Variants in MED13L observed in about 807,000 individuals in gnomAD.
The protein encoded by MED13L is mediator of RNA polymerase II transcription subunit 13-like.
A neutral mutation model predicts 220.9 loss-of-function variants in MED13L; 7 were observed. The ratio of observed to expected loss-of-function variants is 0.03; its 90% confidence interval spans 0.02 to 0.06. MED13L has a LOEUF of 0.06. MED13L is among the 10% of genes least tolerant of loss of function. MED13L has a pLI of 1.00. For missense variants in MED13L, 1,965 were observed against 2,760.5 expected, an observed-to-expected ratio of 0.71 and a Z score of 6.46; for synonymous variants, 1,011 against 1,015.2, an observed-to-expected ratio of 1.00 and a Z score of 0.08.
intron 1 of MED13L, among the ~76,000 whole-genome samples, chr12:116,250,086 C>A (rs1871399648): frequency 8.2e-6 from 1 of 121,514 alleles, no homozygotes; most frequent in African/African-American, 3.1e-5. Flanking sequence ...TTGTAAAAAC[C>A]AGTGATAAAA....
intron 2 of MED13L, among the ~76,000 whole-genome samples, chr12:116,235,022 T>C (rs1869945817): frequency 6.6e-6 from 1 of 152,198 alleles, no homozygotes; most frequent in Non-Finnish European, 1.5e-5. Flanking sequence ...AAATAGATTC[T>C]AAAATATCTC....
intron 7 of MED13L, among the ~76,000 whole-genome samples, chr12:116,015,757 G>A (rs1879688632): frequency 6.6e-6 from 1 of 152,148 alleles, no homozygotes; most frequent in Admixed American, 6.5e-5. Flanking sequence ...ACAGTGCCCT[G>A]GGTAGGAAAA....
At chr12:116,097,363 C>G (rs1450353907) in intron 3 of MED13L, among the ~76,000 whole-genome samples, 1 of 152,192 alleles carries the variant, frequency 6.6e-6, no homozygotes, top group African/African-American at 2.4e-5. Context: ...CCAGGCTGAT[C>G]TCGAATTCCT....
chr12:116,178,039 T>A (rs1371352167), intron 2 of MED13L, among the ~76,000 whole-genome samples: 1 of 151,616 alleles, frequency 6.6e-6, no homozygotes, highest in Non-Finnish European at 1.5e-5. Flanking sequence ...TGCTTGTTTG[T>A]TTGTTTGTTT....
intron 4 of MED13L, among the ~76,000 whole-genome samples, chr12:116,028,661 T>A (rs11613278): frequency 0.072 from 10,932 of 152,262 alleles, 539 homozygotes; most frequent in Middle Eastern, 0.14. Flanking sequence ...CTAACTGCTA[T>A]AGGCCAGAAG....
At chr12:116,019,118 C>A in intron 7 of MED13L, 106 bp downstream of exon 7, 1 of 1,100,242 alleles carries the variant, frequency 9.1e-7, no homozygotes. Context: ...CTACTACCTC[C>A]ATCTCTTCCA....
chr12:116,218,419 T>C (rs992564390), intron 2 of MED13L, among the ~76,000 whole-genome samples: 4 of 152,192 alleles, frequency 2.6e-5, no homozygotes, highest in African/African-American at 9.6e-5. Flanking sequence ...ATTATAATTA[T>C]GTCAACCAGC....
chr12:116,219,925 T>C (rs992501221), intron 2 of MED13L, among the ~76,000 whole-genome samples: 1 of 151,976 alleles, frequency 6.6e-6, no homozygotes, highest in Non-Finnish European at 1.5e-5. Flanking sequence ...GCCTCCCGAG[T>C]AGCTGAGATT....
At position 116,137,260 on chromosome 12, in the gene MED13L, A is replaced by G. The variant is rs946600454; in HGVS notation, c.311-25748T>C. Among the ~76,000 whole-genome samples, 8 of 152,178 alleles carry G rather than the reference A, an allele frequency of 5.3e-5. 1 individual carries two copies. Among genetic ancestry groups the G allele is most frequent in the Non-Finnish European group, 4.4e-5 (3 of 68,036 alleles). ...TAATGGAAGTAGTGGTGGTGGTATG[A>G]TAAAGATGAGGACAACAATGGCAGT... On this transcript the variant is annotated intron_variant, in intron 2 of 30. Coordinates refer to ENST00000281928, the MANE Select transcript of MED13L (RefSeq NM_015335.5).
At chr12:116,177,380 C>G (rs1880155166) in intron 2 of MED13L, among the ~76,000 whole-genome samples, 1 of 152,168 alleles carries the variant, frequency 6.6e-6, no homozygotes. Context: ...CTTTCCAAAG[C>G]TAGGCATTGA....
intron 2 of MED13L, among the ~76,000 whole-genome samples, chr12:116,153,827 A>G (rs1387963775): frequency 6.6e-6 from 1 of 152,196 alleles, no homozygotes; most frequent in Non-Finnish European, 1.5e-5. Context: ...GTATTTTCCC[A>G]TAAGCACACG....
chr12:115,987,326 G>A, intron 17 of MED13L, 38 bp from the exon 18 acceptor site: 2 of 1,569,008 alleles, frequency 1.3e-6, no homozygotes, highest in Non-Finnish European at 1.7e-6. Context: ...AAGATAAGGG[G>A]GCTAGCACCC....
chr12:116,014,501 AGTC>A, intron 8 of MED13L, among the ~76,000 whole-genome samples: 1 of 152,222 alleles, frequency 6.6e-6, no homozygotes, highest in Admixed American at 6.5e-5. Flanking sequence ...AATCAGCAGC[AGTC>A]TTTTCTAAAA....
At chr12:116,046,478 G>A (rs937144969) in intron 4 of MED13L, among the ~76,000 whole-genome samples, 3 of 152,052 alleles carry the variant, frequency 2.0e-5, no homozygotes, top group East Asian at 1.9e-4. Flanking sequence ...TGTTACCTTC[G>A]TTACTCAGCA....
intron 4 of MED13L, among the ~76,000 whole-genome samples, chr12:116,050,556 A>G (rs1477107644): frequency 6.6e-6 from 1 of 152,200 alleles, no homozygotes; most frequent in Non-Finnish European, 1.5e-5. Flanking sequence ...CCTACTTAGA[A>G]GATGGTAATT....
intron 7 of MED13L, among the ~76,000 whole-genome samples, chr12:116,017,446 A>T (rs1370535862): frequency 6.6e-6 from 1 of 152,246 alleles, no homozygotes; most frequent in African/African-American, 2.4e-5. Context: ...ATGTGAAATT[A>T]AAAACTTCAA....
chr12:116,211,937 G>C (rs2138354892), intron 2 of MED13L, among the ~76,000 whole-genome samples: 1 of 150,700 alleles, frequency 6.6e-6, no homozygotes, highest in African/African-American at 2.4e-5. Flanking sequence ...TAGGCATATA[G>C]TACTGTAGTT....
intron 2 of MED13L, among the ~76,000 whole-genome samples, chr12:116,202,253 T>C (rs561486462): frequency 6.6e-6 from 1 of 152,366 alleles, no homozygotes; most frequent in East Asian, 1.9e-4. Context: ...ATTATGGCTC[T>C]GAAATCCATA....
chr12:116,125,936 A>C (rs916546154), intron 2 of MED13L, among the ~76,000 whole-genome samples: 2 of 152,222 alleles, frequency 1.3e-5, no homozygotes, highest in Non-Finnish European at 2.9e-5. Context: ...ACAAATTATT[A>C]TTCTCAACTT....
Sources: allele counts gnomAD v4.1 joint callset (sites outside exome capture counted in the v4.1 genomes callset), GRCh38; gene constraint gnomAD v4.1.1; transcripts MANE v1.5; gene names NCBI Gene and HGNC (gene_info 2026-07-23, HGNC 2026-07-21).